The following TP63 variants were observed in gnomAD, a reference collection of about 807,000 sequenced individuals.
TP63 encodes the protein tumor protein 63.
Under a neutral mutation model 82.8 loss-of-function variants are expected in TP63, and 17 were observed. The ratio of observed to expected loss-of-function variants is 0.21; its 90% CI spans 0.14 to 0.31. TP63 has a LOEUF of 0.31. TP63 is among the 10% of genes least tolerant of loss of function. The probability of loss-of-function intolerance (pLI) is 1.00; values close to 1 mark genes in which losing one functional copy is unlikely to be tolerated. For missense variants in TP63, 648 were observed against 895.3 expected (o/e 0.72, Z 3.52); for synonymous variants, 330 against 321.7 (o/e 1.03, Z -0.28).
At chr3:189,598,752 A>G in the TP63 span, among the ~76,000 whole-genome samples, 102 of 152,378 alleles carry the variant, frequency 6.7e-4, no homozygotes, top group African/African-American at 2.4e-3. Flanking sequence ...CCTGCAGTCC[A>G]GGATATGCAA....
At chr3:189,620,626 T>C in the TP63 span, among the ~76,000 whole-genome samples, 1 of 151,936 alleles carries the variant, frequency 6.6e-6, no homozygotes, top group African/African-American at 2.4e-5. Context: ...TTGTCCAGGC[T>C]AATGAGGCAT....
chr3:189,608,517 C>G, the TP63 span, among the ~76,000 whole-genome samples: 2 of 152,084 alleles, frequency 1.3e-5, no homozygotes, highest in Admixed American at 1.3e-4. Flanking sequence ...AACAACAGAT[C>G]AAAATTTCAG....
At chr3:189,892,684 C>T (rs1721138481) in intron 13 of TP63, among the ~76,000 whole-genome samples, 1 of 151,806 alleles carries the variant, frequency 6.6e-6, no homozygotes, top group Admixed American at 6.6e-5. Context: ...CCCAGCTACT[C>T]AGGAGGCCGA....
At chr3:189,860,789 T>C (rs1716929561) in intron 4 of TP63, among the ~76,000 whole-genome samples, 1 of 152,180 alleles carries the variant, frequency 6.6e-6, no homozygotes. Flanking sequence ...AAAAGAGAAG[T>C]GTACCACACT....
chr3:189,661,233 T>G (rs1222527226), intron 1 of TP63, among the ~76,000 whole-genome samples: 2 of 152,066 alleles, frequency 1.3e-5, no homozygotes, highest in African/African-American at 4.8e-5. Context: ...CTTATTATTT[T>G]GAGGTATATT....
intron 3 of TP63, among the ~76,000 whole-genome samples, chr3:189,792,689 G>A (rs1185448639): frequency 3.3e-5 from 5 of 152,020 alleles, no homozygotes; most frequent in East Asian, 1.9e-4. Flanking sequence ...GTATACGATC[G>A]TGTTCCCTTT....
intron 9 of TP63, among the ~76,000 whole-genome samples, chr3:189,872,084 T>C (rs1009231960): frequency 9.9e-5 from 15 of 152,214 alleles, no homozygotes; most frequent in African/African-American, 3.1e-4. Context: ...GAGAAACATA[T>C]TTTATCCCAC....
At chr3:189,744,051 C>T (rs935052532) in intron 3 of TP63, among the ~76,000 whole-genome samples, 1 of 152,286 alleles carries the variant, frequency 6.6e-6, no homozygotes, top group East Asian at 1.9e-4. Flanking sequence ...CCAGCCTCCA[C>T]CAGACTGCAT....
intron 4 of TP63, among the ~76,000 whole-genome samples, chr3:189,838,020 A>G (rs950232816): frequency 6.6e-6 from 1 of 152,178 alleles, no homozygotes; most frequent in African/African-American, 2.4e-5. Flanking sequence ...CAGCTCAATC[A>G]CCAACTCTCT....
At chr3:189,626,493 C>T (rs773657903), upstream of TP63, among the ~76,000 whole-genome samples, 1 of 152,194 alleles carries the variant, frequency 6.6e-6, no homozygotes, top group African/African-American at 2.4e-5. Context: ...CTCATAGTCA[C>T]AGGCTGCCAG....
chr3:189,697,569 A>G (rs147840291), intron 1 of TP63, among the ~76,000 whole-genome samples: 1,594 of 152,096 alleles, frequency 0.01, 29 homozygotes, highest in African/African-American at 0.036. Context: ...GAGTTTGCCA[A>G]TATCTCAAAA....
At chr3:189,848,629 G>A (rs1462780142) in intron 4 of TP63, among the ~76,000 whole-genome samples, 8 of 152,182 alleles carry the variant, frequency 5.3e-5, no homozygotes, top group Non-Finnish European at 1.0e-4. Flanking sequence ...GCTTTAAGAT[G>A]TCAAGTTGGA....
intron 3 of TP63, among the ~76,000 whole-genome samples, chr3:189,753,863 A>G (rs1356830853): frequency 1.3e-5 from 2 of 152,062 alleles, no homozygotes; most frequent in African/African-American, 4.8e-5. Flanking sequence ...ATCTCATAGA[A>G]ATTCATTATT....
In TP63 at chr3:189,631,554, C is replaced by T; in HGVS notation, c.39C>T (p.Tyr13=). The change falls in exon 1 of 14, where the codon TAC becomes TAT. Residue 13 remains tyrosine, a synonymous_variant. Coordinates refer to ENST00000264731, the MANE Select transcript of TP63 (RefSeq NM_003722.5). ...FETSRCATLQ[Y]CPDPYIQRFV... is the part of the protein sequence containing the mutation. ...CTTCACGGTGTGCCACCCTACAGTA[C>T]TGCCCTGACCCTTACATCCAGCGGT... 6.2e-7 allele frequency: 1 copy of T among 1,612,946 alleles called. No homozygotes were observed. The highest frequency in any genetic ancestry group is 1.3e-5 in the African/African-American group (1 of 74,960).
At chr3:189,661,459 G>A (rs937546623) in intron 1 of TP63, among the ~76,000 whole-genome samples, 4 of 152,078 alleles carry the variant, frequency 2.6e-5, no homozygotes, top group Admixed American at 2.6e-4. Context: ...TTGATGCGCT[G>A]CTGGATTCAA....
intron 4 of TP63, among the ~76,000 whole-genome samples, chr3:189,845,386 T>C (rs1333908631): frequency 6.6e-6 from 1 of 152,174 alleles, no homozygotes; most frequent in Non-Finnish European, 1.5e-5. Flanking sequence ...GATCTTCGAG[T>C]AATTGTTTCA....
At chr3:189,698,648 AT>A (rs1717570524) in intron 1 of TP63, among the ~76,000 whole-genome samples, 1 of 152,172 alleles carries the variant, frequency 6.6e-6, no homozygotes, top group Non-Finnish European at 1.5e-5. Context: ...AAATATGCTT[AT>A]ACATGTATGT....
chr3:189,734,240 T>C (rs1720406806), intron 1 of TP63, among the ~76,000 whole-genome samples: 1 of 147,552 alleles, frequency 6.8e-6, no homozygotes, highest in Non-Finnish European at 1.5e-5. Context: ...GGCTCAATCT[T>C]GGCACACTGC....
intron 1 of TP63, among the ~76,000 whole-genome samples, chr3:189,668,647 A>G (rs1161476663): frequency 6.6e-6 from 1 of 152,156 alleles, no homozygotes; most frequent in Admixed American, 6.6e-5. Flanking sequence ...GGACAATATC[A>G]AAGGATCTTA....
Sources: gnomAD v4.1 joint callset for allele counts (sites outside exome capture counted in the v4.1 genomes callset) on GRCh38, gnomAD v4.1.1 for gene constraint, MANE v1.5 for transcripts, NCBI Gene and HGNC (gene_info 2026-07-23, HGNC 2026-07-21) for gene names.